EPM2A: variants seen among roughly 807,000 people sequenced by gnomAD.
EPM2A encodes the protein laforin.
In EPM2A, 21 loss-of-function variants were observed where a neutral mutation model predicts 26.5. The observed-to-expected ratio is 0.79, with a 90% CI of 0.56 to 1.14. EPM2A has a LOEUF of 1.14. Among genes scored for constraint, EPM2A ranks in the 50% most tolerant of loss-of-function variants. The probability of loss-of-function intolerance (pLI) is 0.00; values close to 1 mark genes in which losing one functional copy is unlikely to be tolerated. For synonymous variants in EPM2A, 217 were observed against 177.6 expected, an observed-to-expected ratio of 1.22 and a Z score of -1.76; for missense variants, 458 against 440.8, an observed-to-expected ratio of 1.04 and a Z score of -0.35.
chr6:145,540,054 CAAT>C (rs1780485278), intron 2 of EPM2A, among the ~76,000 whole-genome samples: 1 of 152,114 alleles, frequency 6.6e-6, no homozygotes, highest in Non-Finnish European at 1.5e-5. Flanking sequence ...GCAGAAACCA[CAAT>C]AAAGGCTCTT....
At chr6:145,397,588 C>G (rs1454480266) in intron 4 of EPM2A, among the ~76,000 whole-genome samples, 1 of 152,190 alleles carries the variant, frequency 6.6e-6, no homozygotes, top group Non-Finnish European at 1.5e-5. Context: ...TCAACCACCA[C>G]AAGGTGGGAA....
rs1223880597 is a variant in EPM2A, at chr6:145,577,850, T to C, written c.340+57395A>G. Among the ~76,000 whole-genome samples, 3 of 152,046 alleles carry C rather than the reference T, an allele frequency of 2.0e-5. No homozygotes were observed. The East Asian group carries it at 5.8e-4, about 29-fold the overall frequency. On this transcript the variant is annotated intron_variant, in intron 2 of 3. Transcript: ENST00000450221. ...AAAAAAATTGAAATTATATCAACTA[T>C]CTTTTATGAACACAATGAAATAAAG...
At position 145,467,522 on chromosome 6, in the gene EPM2A, T is replaced by C. The variant is rs186341261; in HGVS notation, c.555+35000A>G. ...ATACAGCTTTACACTATGTATTTTT[T>C]AATGAAATTGAGCAAATGCCACTTT... is the stretch of plus-strand genomic sequence containing the variant. On this transcript the variant is annotated intron_variant, in intron 4 of 4. Transcript: ENST00000638717. 1.3e-4 allele frequency among the ~76,000 whole-genome samples: 20 copies of C among 152,320 alleles called. No individual in the cohort carries two copies. In the East Asian group the frequency reaches 3.1e-3, roughly 23 times the overall value.
At chr6:145,523,813 C>G (rs1008929826) in intron 2 of EPM2A, among the ~76,000 whole-genome samples, 5 of 152,070 alleles carry the variant, frequency 3.3e-5, no homozygotes, top group African/African-American at 1.2e-4. Context: ...TCAGGTGGCA[C>G]ATGTGCAGGT....
Position 145,675,579 on chromosome 6 carries a change from G to C in EPM2A, c.476+10543C>G, listed in dbSNP as rs545201061. 3.4e-4 allele frequency among the ~76,000 whole-genome samples: 52 copies of C among 152,252 alleles called. 1 individual carries two copies. The South Asian group carries it at 0.011, about 31-fold the overall frequency. On this transcript the variant is annotated intron_variant, in intron 2 of 3. Coordinates refer to ENST00000367519, the MANE Select transcript of EPM2A (RefSeq NM_005670.4). ...AGATACACATAGGCTCAAAATAAAG[G>C]GATGGAGGAAGATCTACCAAGTAAA...
chr6:145,469,084 C>T (rs902044971), intron 4 of EPM2A, among the ~76,000 whole-genome samples: 1 of 152,094 alleles, frequency 6.6e-6, no homozygotes, highest in Non-Finnish European at 1.5e-5. Context: ...GACAGTTTCA[C>T]ATGGCTGGAG....
At chr6:145,622,784 A>G (rs1775664672), downstream of EPM2A, among the ~76,000 whole-genome samples, 2 of 152,144 alleles carry the variant, frequency 1.3e-5, no homozygotes, top group African/African-American at 4.8e-5. Context: ...TACACTCCAG[A>G]TCCATGCCAG....
intron 4 of EPM2A, among the ~76,000 whole-genome samples, chr6:145,419,263 A>T (rs1186050123): frequency 6.7e-6 from 1 of 149,002 alleles, no homozygotes; most frequent in African/African-American, 2.4e-5. Flanking sequence ...TTCTAACAGA[A>T]GCGTGTTATA....
At chr6:145,384,642 T>C (rs1778234280) in intron 4 of EPM2A, among the ~76,000 whole-genome samples, 1 of 147,014 alleles carries the variant, frequency 6.8e-6, no homozygotes, top group African/African-American at 2.5e-5. Flanking sequence ...GAGTAGTTCC[T>C]GGGGAGTGCT....
chr6:145,579,051 A>G (rs1007720469), intron 2 of EPM2A, among the ~76,000 whole-genome samples: 1 of 152,168 alleles, frequency 6.6e-6, no homozygotes, highest in Admixed American at 6.5e-5. Flanking sequence ...ACCTAATGTT[A>G]AATGACGAGT....
At chr6:145,454,477 C>A (rs1779235558) in intron 4 of EPM2A, among the ~76,000 whole-genome samples, 1 of 152,024 alleles carries the variant, frequency 6.6e-6, no homozygotes, top group Non-Finnish European at 1.5e-5. Context: ...AGCATATTCT[C>A]AAGATAGTGA....
intron 1 of EPM2A, among the ~76,000 whole-genome samples, chr6:145,696,826 T>TGTGTGG (rs1781616262): frequency 7.8e-6 from 1 of 128,338 alleles, no homozygotes. Context: ...TGTGTGTGTG[T>TGTGTGG]GGTGTGTTTC....
At chr6:145,386,503 G>T (rs748955711) in intron 4 of EPM2A, among the ~76,000 whole-genome samples, 95 of 152,016 alleles carry the variant, frequency 6.2e-4, no homozygotes, top group Non-Finnish European at 1.3e-3. Context: ...TAATAGAGCC[G>T]TCACTAGATA....
chr6:145,651,552 C>T (rs1333066190), intron 2 of EPM2A, among the ~76,000 whole-genome samples: 1 of 152,150 alleles, frequency 6.6e-6, no homozygotes, highest in African/African-American at 2.4e-5. Flanking sequence ...TTTCTGCAAC[C>T]AGAATTATTG....
In EPM2A at chr6:145,614,717, A is replaced by G. The variant is rs372951789; in HGVS notation, c.340+20528T>C. Among the ~76,000 whole-genome samples the G allele has an allele frequency of 1.8e-4, 27 of 152,326 alleles. 1 individual carries two copies. The highest frequency in any genetic ancestry group is 1.4e-3 in the Admixed American group (22 of 15,300). On this transcript the variant is annotated intron_variant, in intron 2 of 3. Coordinates refer to the EPM2A transcript ENST00000450221. ...AGTCACAACTGCACAACATCTATCA[A>G]TTAAGTTTGCTGTCTTATACAGGCA...
chr6:145,465,725 G>C (rs992913898), intron 4 of EPM2A, among the ~76,000 whole-genome samples: 3 of 152,028 alleles, frequency 2.0e-5, no homozygotes, highest in Admixed American at 2.0e-4. Flanking sequence ...GGAGTACCCG[G>C]CCGTGTGAGG....
At chr6:145,562,718 G>A (rs1294280007) in intron 2 of EPM2A, among the ~76,000 whole-genome samples, 2 of 151,980 alleles carry the variant, frequency 1.3e-5, no homozygotes, top group African/African-American at 4.8e-5. Flanking sequence ...TTAGACCCAA[G>A]GACTCTGCTG....
At chr6:145,684,719 A>C (rs1469596797) in intron 2 of EPM2A, 1 of 152,194 alleles carries the variant, frequency 6.6e-6, no homozygotes, top group Non-Finnish European at 1.5e-5. Flanking sequence ...ATTTCAAAAA[A>C]TGACTAAAGT....
chr6:145,594,349 G>C (rs1047009823), intron 2 of EPM2A, among the ~76,000 whole-genome samples: 7 of 151,750 alleles, frequency 4.6e-5, no homozygotes, highest in Admixed American at 2.0e-4. Context: ...ATTTAAACTT[G>C]TTCATTGGTA....
Sources: gnomAD v4.1 joint callset for allele counts (sites outside exome capture counted in the v4.1 genomes callset) on GRCh38, gnomAD v4.1.1 for gene constraint, MANE v1.5 for transcripts, NCBI Gene and HGNC (gene_info 2026-07-23, HGNC 2026-07-21) for gene names.